The following PDS5A variants were observed in gnomAD, a reference collection of about 807,000 sequenced individuals.
PDS5A encodes sister chromatid cohesion protein PDS5 homolog A.
A neutral mutation model predicts 167.1 loss-of-function variants in PDS5A; 42 were observed. That is an observed-to-expected ratio of 0.25 (90% CI 0.20 to 0.33). PDS5A has a LOEUF of 0.33. PDS5A is among the 10% of genes least tolerant of loss of function. The probability of loss-of-function intolerance (pLI) is 1.00; values close to 1 mark genes in which losing one functional copy is unlikely to be tolerated. For missense variants in PDS5A, 1,033 were observed against 1,605.9 expected (o/e 0.64, Z 6.10); for synonymous variants, 553 against 554.6 (o/e 1.00, Z 0.04).
intron 31 of PDS5A, among the ~76,000 whole-genome samples, chr4:39,841,328 G>A (rs539811720): frequency 1.3e-5 from 2 of 151,656 alleles, no homozygotes; most frequent in African/African-American, 4.8e-5. Flanking sequence ...TTATAGAGAC[G>A]GGGTTTCGCC....
chr4:39,975,218 G>T (rs1290922150), intron 2 of PDS5A, among the ~76,000 whole-genome samples: 1 of 152,088 alleles, frequency 6.6e-6, no homozygotes, highest in Non-Finnish European at 1.5e-5. Flanking sequence ...GGAGGTTGCA[G>T]TGAGCTGAGA....
chr4:39,957,470 C>T (rs1475406084), intron 2 of PDS5A, among the ~76,000 whole-genome samples: 1 of 152,104 alleles, frequency 6.6e-6, no homozygotes, highest in Non-Finnish European at 1.5e-5. Flanking sequence ...CAGCAACAAA[C>T]AAATTTACTC....
intron 3 of PDS5A, 133 bp from the exon 4 acceptor site, chr4:39,926,994 T>C: frequency 1.4e-6 from 1 of 718,244 alleles, no homozygotes; most frequent in Non-Finnish European, 1.9e-6. Flanking sequence ...TGTCTTGGGA[T>C]TGGCCTAATC....
At position 39,898,416 on chromosome 4, in the gene PDS5A, A is replaced by G. The variant is rs1421945282; in HGVS notation, c.1743T>C (p.Cys581=). 1 of 1,583,806 alleles carries G rather than the reference A, an allele frequency of 6.3e-7. No individual in the cohort carries two copies. The highest frequency in any genetic ancestry group is 1.8e-5 in the Admixed American group (1 of 56,158). Residue 581 remains cysteine, a synonymous_variant, in exon 16 of 33, where the codon TGT becomes TGC. Transcript: ENST00000303538. ...SQLELLISPT[C]SCKQADICVR... ...CACAAATATCTGCTTGTTTGCAAGA[A>G]CAGGTTGGGCTAATTAATAACTCCA...
rs957469301 is a variant in PDS5A, at chr4:39,843,419, G to A, written c.3548+1237C>T. On this transcript the variant is annotated intron_variant, in intron 30 of 32. Coordinates refer to ENST00000303538, the MANE Select transcript of PDS5A (RefSeq NM_001100399.2). ...TGTTTTCATAGTTTTCCTAAGGGTT[G>A]AATTTTCTTACGTATAAAAAATAAA... is the stretch of plus-strand genomic sequence containing the variant. Among the ~76,000 whole-genome samples the A allele has an allele frequency of 5.3e-5, 8 of 152,164 alleles. No homozygotes were observed. The Middle Eastern group carries it at 0.01, about 194-fold the overall frequency.
intron 23 of PDS5A, 50 bp downstream of exon 23, chr4:39,866,811 T>G: frequency 6.4e-7 from 1 of 1,556,804 alleles, no homozygotes; most frequent in Non-Finnish European, 8.8e-7. Context: ...CTATGTAAAT[T>G]CCACCAAAAT....
At chr4:39,938,654 C>A (rs933234610) in intron 2 of PDS5A, among the ~76,000 whole-genome samples, 6 of 151,988 alleles carry the variant, frequency 3.9e-5, no homozygotes, top group Admixed American at 6.6e-5. Context: ...CAATAGAAGA[C>A]TGATTAAACT....
chr4:39,867,593 G>A (rs541688112), intron 22 of PDS5A, among the ~76,000 whole-genome samples: 1 of 150,048 alleles, frequency 6.7e-6, no homozygotes, highest in South Asian at 2.1e-4. Context: ...GGTGGCACAC[G>A]CCTGTAGTCC....
chr4:39,900,525 T>C lies in PDS5A; in HGVS notation c.1500-18A>G, dbSNP rs1382279811. The C allele has an allele frequency of 6.8e-7, 1 of 1,479,860 alleles. No individual in the cohort carries two copies. The highest frequency in any genetic ancestry group is 1.2e-5 in the South Asian group (1 of 83,238). The allele number at this position is 1,479,860 out of a possible 1,614,324, so 91.7% of individuals were successfully genotyped here. On this transcript the variant is annotated intron_variant, in intron 13 of 32. Transcript: ENST00000303538. ...TGAGAGCTCTGTAAAGTTATGAATA[T>C]GAAAACACACATTACATAACAATAC...
chr4:39,935,390 G>T (rs768333563), intron 2 of PDS5A, among the ~76,000 whole-genome samples: 1 of 152,198 alleles, frequency 6.6e-6, no homozygotes, highest in Non-Finnish European at 1.5e-5. Flanking sequence ...GAGCCACCGC[G>T]TCTGGCCTTC....
At chr4:39,881,867 A>G (rs1720960290) in intron 17 of PDS5A, among the ~76,000 whole-genome samples, 1 of 152,242 alleles carries the variant, frequency 6.6e-6, no homozygotes, top group South Asian at 2.1e-4. Context: ...GGGCGGGGCC[A>G]GGTAGATAAC....
At chr4:39,865,129 GTT>G (rs552139603) in intron 23 of PDS5A, among the ~76,000 whole-genome samples, 9 of 150,866 alleles carry the variant, frequency 6.0e-5, no homozygotes, top group East Asian at 5.9e-4. Flanking sequence ...TGCTTATAAC[GTT>G]TTTTTTTCTT....
In PDS5A at chr4:39,863,093, C is replaced by G. The variant is rs1329757544; in HGVS notation, c.2767-20G>C. 1 of 1,567,252 alleles carries G rather than the reference C, an allele frequency of 6.4e-7. No individual in the cohort carries two copies. The highest frequency in any genetic ancestry group is 2.2e-5 in the East Asian group (1 of 44,528). ...CTCATCCTACAGCAGCACAGAAAAA[C>G]TTAAATTGGCAACCATTTATTAAAT... is the stretch of plus-strand genomic sequence containing the variant. On this transcript the variant is annotated intron_variant, in intron 24 of 32. Transcript: ENST00000303538.
intron 30 of PDS5A, among the ~76,000 whole-genome samples, chr4:39,843,028 C>T (rs1159698662): frequency 6.7e-6 from 1 of 149,150 alleles, no homozygotes; most frequent in Non-Finnish European, 1.5e-5. Context: ...CTTCCTGCCT[C>T]CGCCTCCTGA....
chr4:39,908,590 T>C, intron 10 of PDS5A, 50 bp from the exon 11 acceptor site: 1 of 1,193,392 alleles, frequency 8.4e-7, no homozygotes, highest in Non-Finnish European at 1.2e-6. Context: ...ATGTAATTTG[T>C]CATGATTTAG....
chr4:39,903,102 C>T lies in PDS5A; in HGVS notation c.1386-642G>A, dbSNP rs556482781. Among the ~76,000 whole-genome samples the T allele has an allele frequency of 6.6e-5, 10 of 152,308 alleles. No individual in the cohort carries two copies. In the East Asian group the frequency reaches 1.2e-3, roughly 18 times the overall value. ...TCTAGAACAAAAGCAAATTCATTAA[C>T]GCAACATATAAAGCTATGATCCGCG... On this transcript the variant is annotated intron_variant, in intron 12 of 32. Coordinates refer to ENST00000303538, the MANE Select transcript of PDS5A (RefSeq NM_001100399.2).
rs534760626 is a variant in PDS5A at position 39,912,517 on chromosome 4, T to C, written c.992+1094A>G. Among the ~76,000 whole-genome samples the C allele has an allele frequency of 2.6e-5, 4 of 152,352 alleles. No homozygotes were observed. In the East Asian group the frequency reaches 7.7e-4, roughly 29 times the overall value. On this transcript the variant is annotated intron_variant, in intron 9 of 32. Transcript: ENST00000303538. ...ATAAGACCTTCAAAATGGCGTGTTC[T>C]GGGCAAGTAACTGCTAAGATAGCAG...
Position 39,925,885 on chromosome 4 carries a change from A to T in PDS5A, c.478T>A (p.Cys160Ser). The T allele has an allele frequency of 6.6e-7, 1 of 1,517,750 alleles. No homozygotes were observed. The highest frequency in any genetic ancestry group is 1.2e-5 in the South Asian group (1 of 80,668). 94.0% of individuals were successfully genotyped at this position (1,517,750 alleles called of 1,614,324 possible). ...SYNICFELED[C>S]NEIFIQLFRT... is the part of the protein sequence containing the mutation. ...AAAAGCTGAATAAAAATTTCATTGC[A>T]ATCTTCCAATTCAAAGCAGATGTTA... Residue 160 changes from cysteine to serine, a missense_variant, in exon 5 of 33, where the codon TGC becomes AGC. Cys to Ser is a moderately radical substitution (Grantham distance 112, BLOSUM62 -1). Coordinates refer to ENST00000303538, the MANE Select transcript of PDS5A (RefSeq NM_001100399.2).
At chr4:39,974,307 T>A in intron 2 of PDS5A, 1 of 532,934 alleles carries the variant, frequency 1.9e-6, no homozygotes, top group Non-Finnish European at 3.8e-6. Context: ...GTTCCATGAG[T>A]CATGTCAACA....
Sources: allele counts gnomAD v4.1 joint callset (sites outside exome capture counted in the v4.1 genomes callset), GRCh38; gene constraint gnomAD v4.1.1; transcripts MANE v1.5; gene names NCBI Gene and HGNC (gene_info 2026-07-23, HGNC 2026-07-21).